TANC2: variants seen among roughly 807,000 people sequenced by gnomAD.
TANC2 encodes the protein tetratricopeptide repeat, ankyrin repeat and coiled-coil containing 2.
A neutral mutation model predicts 210.5 loss-of-function variants in TANC2; 26 were observed. That is an observed-to-expected ratio of 0.12 (90% CI 0.09 to 0.17). The LOEUF is 0.17. Ranked by LOEUF, TANC2 falls within the 10% of genes least tolerant of loss-of-function variation. The pLI is 1.00. For synonymous variants in TANC2, 931 were observed against 967.1 expected (o/e 0.96, Z 0.69); for missense variants, 2,129 against 2,608.9 (o/e 0.82, Z 4.01).
At chr17:63,075,071 G>T (rs2036524176) in intron 3 of TANC2, among the ~76,000 whole-genome samples, 1 of 151,984 alleles carries the variant, frequency 6.6e-6, no homozygotes. Flanking sequence ...TTTAACTTAT[G>T]CTAATACTTA....
intron 17 of TANC2, among the ~76,000 whole-genome samples, chr17:63,392,434 T>C (rs1242104390): frequency 6.6e-6 from 1 of 152,166 alleles, no homozygotes; most frequent in African/African-American, 2.4e-5. Flanking sequence ...TTGACATCTT[T>C]CCCTCCTTTG....
intron 8 of TANC2, among the ~76,000 whole-genome samples, chr17:63,258,816 TG>T (rs1474643159): frequency 6.6e-6 from 1 of 152,170 alleles, no homozygotes; most frequent in Non-Finnish European, 1.5e-5. Flanking sequence ...GAAGCCCTCT[TG>T]GTGCTTTACC....
chr17:63,191,441 A>G (rs965336646), intron 5 of TANC2, among the ~76,000 whole-genome samples: 6 of 151,786 alleles, frequency 4.0e-5, no homozygotes, highest in Non-Finnish European at 7.4e-5. Flanking sequence ...AATATATTTC[A>G]GATATTCCCA....
At chr17:63,244,627 G>A (rs1216043404) in intron 8 of TANC2, among the ~76,000 whole-genome samples, 1 of 152,170 alleles carries the variant, frequency 6.6e-6, no homozygotes, top group Non-Finnish European at 1.5e-5. Flanking sequence ...AATTTTTGTG[G>A]ATGGTCTGCC....
chr17:63,115,339 T>C (rs1435540719), intron 4 of TANC2, among the ~76,000 whole-genome samples: 5 of 152,204 alleles, frequency 3.3e-5, no homozygotes, highest in Non-Finnish European at 7.4e-5. Flanking sequence ...TAGGTTATTT[T>C]AAACAACTCA....
intron 5 of TANC2, among the ~76,000 whole-genome samples, chr17:63,184,591 A>G (rs2040909354): frequency 6.6e-6 from 1 of 151,984 alleles, no homozygotes; most frequent in African/African-American, 2.4e-5. Context: ...TCTGACTGCC[A>G]TCATCAATTA....
At chr17:63,268,010 C>A in intron 9 of TANC2, 137 bp downstream of exon 9, 2 of 962,892 alleles carry the variant, frequency 2.1e-6, no homozygotes, top group Non-Finnish European at 2.9e-6. Context: ...TAGCATGTGA[C>A]CAGTTCATTT....
At chr17:62,992,024 T>C (rs886182251) in intron 1 of TANC2, among the ~76,000 whole-genome samples, 1 of 152,152 alleles carries the variant, frequency 6.6e-6, no homozygotes, top group African/African-American at 2.4e-5. Flanking sequence ...ATAATGCAAA[T>C]ATAGATACGT....
intron 5 of TANC2, among the ~76,000 whole-genome samples, chr17:63,168,997 A>G (rs911035425): frequency 2.0e-5 from 3 of 152,228 alleles, no homozygotes; most frequent in Non-Finnish European, 2.9e-5. Flanking sequence ...AGGATTCATT[A>G]TACATGACTG....
At chr17:63,222,678 G>T (rs2042225200) in intron 7 of TANC2, among the ~76,000 whole-genome samples, 1 of 151,858 alleles carries the variant, frequency 6.6e-6, no homozygotes, top group Admixed American at 6.6e-5. Context: ...CTTAAAGTAT[G>T]AATCTTATTG....
intron 11 of TANC2, among the ~76,000 whole-genome samples, chr17:63,326,166 G>A (rs914435555): frequency 2.6e-5 from 4 of 152,096 alleles, no homozygotes; most frequent in Non-Finnish European, 5.9e-5. Context: ...AAATCAAAAC[G>A]GTGTGTTTCT....
At chr17:63,183,726 AAG>A (rs1383268592) in intron 5 of TANC2, among the ~76,000 whole-genome samples, 1 of 152,192 alleles carries the variant, frequency 6.6e-6, no homozygotes, top group Non-Finnish European at 1.5e-5. Flanking sequence ...TTTTTAAAAA[AAG>A]AAATGCAGGC....
chr17:63,112,036 T>C (rs1275029319), intron 4 of TANC2, among the ~76,000 whole-genome samples: 1 of 152,196 alleles, frequency 6.6e-6, no homozygotes, highest in Non-Finnish European at 1.5e-5. Flanking sequence ...TGCTTTTTAT[T>C]TTTAATCTAT....
At chr17:63,254,789 G>T (rs1009014667) in intron 8 of TANC2, among the ~76,000 whole-genome samples, 2 of 152,134 alleles carry the variant, frequency 1.3e-5, no homozygotes, top group Non-Finnish European at 2.9e-5. Flanking sequence ...ATTGATTTGT[G>T]TGTGTTGAAC....
intron 5 of TANC2, among the ~76,000 whole-genome samples, chr17:63,161,208 A>T (rs1329746002): frequency 1.3e-5 from 2 of 152,092 alleles, no homozygotes. Context: ...TAAAAATACA[A>T]AAAAATAGCT....
intron 2 of TANC2, among the ~76,000 whole-genome samples, chr17:63,066,520 C>G (rs2036203719): frequency 6.6e-6 from 1 of 152,078 alleles, no homozygotes; most frequent in African/African-American, 2.4e-5. Context: ...AGTGGAAGCC[C>G]TCTAAATCTG....
At chr17:63,165,133 T>G (rs1192367464) in intron 5 of TANC2, among the ~76,000 whole-genome samples, 1 of 151,670 alleles carries the variant, frequency 6.6e-6, no homozygotes, top group African/African-American at 2.4e-5. Flanking sequence ...AAATAAAAAT[T>G]AGCCAGGCGT....
intron 2 of TANC2, among the ~76,000 whole-genome samples, chr17:63,029,786 T>G (rs1336873794): frequency 6.6e-6 from 1 of 152,086 alleles, no homozygotes; most frequent in African/African-American, 2.4e-5. Context: ...ACAATATACT[T>G]GGAGGATAGG....
chr17:63,213,620 A>G (rs12603898), intron 7 of TANC2, among the ~76,000 whole-genome samples: 21,589 of 152,254 alleles, frequency 0.14, 1,980 homozygotes, highest in Middle Eastern at 0.21. Context: ...ATCAATGAAT[A>G]CATTTAGAAA....
Sources: gnomAD v4.1 joint callset for allele counts (sites outside exome capture counted in the v4.1 genomes callset) on GRCh38, gnomAD v4.1.1 for gene constraint, MANE v1.5 for transcripts, NCBI Gene and HGNC (gene_info 2026-07-23, HGNC 2026-07-21) for gene names.